Variants in TLK2 observed in about 807,000 individuals in gnomAD.
The protein encoded by TLK2 is serine/threonine-protein kinase tousled-like 2.
A neutral mutation model predicts 117.3 loss-of-function variants in TLK2; 6 were observed. The ratio of observed to expected loss-of-function variants is 0.05; its 90% CI spans 0.03 to 0.10. The LOEUF (loss-of-function observed/expected upper bound fraction) is 0.10. Among genes scored for constraint, TLK2 ranks in the 10% least tolerant of loss-of-function variants. The pLI, the probability that TLK2 is intolerant of heterozygous loss-of-function variation, is 1.00. For missense variants in TLK2, 299 were observed against 901.2 expected, an observed-to-expected ratio of 0.33 and a Z score of 8.56; for synonymous variants, 257 against 316.7, an observed-to-expected ratio of 0.81 and a Z score of 2.00.
chr17:62,471,573 C>T (rs1197844303), intron 1 of TLK2, among the ~76,000 whole-genome samples: 11 of 152,146 alleles, frequency 7.2e-5, no homozygotes, highest in African/African-American at 2.7e-4. Flanking sequence ...ATCTGGCCAA[C>T]CTCAGAACAT....
chr17:62,547,256 C>G (rs1241949937), intron 7 of TLK2, among the ~76,000 whole-genome samples: 1 of 149,688 alleles, frequency 6.7e-6, no homozygotes, highest in Non-Finnish European at 1.5e-5. Flanking sequence ...TGGATTTTTC[C>G]TTTTGTGCTG....
intron 6 of TLK2, among the ~76,000 whole-genome samples, chr17:62,533,787 A>ATTTTTAATG (rs1432931445): frequency 2.6e-5 from 4 of 152,102 alleles, no homozygotes. Context: ...CATGGTTTAT[A>ATTTTTAATG]TTTTTAATGT....
intron 2 of TLK2, among the ~76,000 whole-genome samples, chr17:62,492,393 A>C (rs772120400): frequency 6.6e-6 from 1 of 152,144 alleles, no homozygotes; most frequent in African/African-American, 2.4e-5. Flanking sequence ...TAGTCTCAGA[A>C]TAAGGATGGT....
intron 17 of TLK2, among the ~76,000 whole-genome samples, chr17:62,599,653 T>C (rs185391901): frequency 6.6e-6 from 1 of 152,292 alleles, no homozygotes. Context: ...CTTCCTGCTG[T>C]AGATGATCTC....
intron 16 of TLK2, among the ~76,000 whole-genome samples, chr17:62,593,991 C>T (rs905853169): frequency 3.5e-4 from 53 of 151,600 alleles, no homozygotes; most frequent in Non-Finnish European, 2.1e-4. Context: ...CGCAGTTTCT[C>T]CATGGTGGCC....
intron 16 of TLK2, among the ~76,000 whole-genome samples, chr17:62,594,581 G>C (rs1175510544): frequency 6.6e-6 from 1 of 152,108 alleles, no homozygotes; most frequent in Non-Finnish European, 1.5e-5. Flanking sequence ...ACATTACCCA[G>C]CTTCTAAATA....
At chr17:62,584,271 C>T (rs1051305113) in intron 15 of TLK2, among the ~76,000 whole-genome samples, 2 of 151,778 alleles carry the variant, frequency 1.3e-5, no homozygotes, top group African/African-American at 4.8e-5. Context: ...TGTCCGCCAC[C>T]ACACCCGGCT....
At chr17:62,563,646 T>C (rs2079483263) in intron 10 of TLK2, among the ~76,000 whole-genome samples, 1 of 152,196 alleles carries the variant, frequency 6.6e-6, no homozygotes. Flanking sequence ...TCTTTTCCTT[T>C]GAATTCTTTA....
chr17:62,535,899 G>A (rs1414837856), intron 6 of TLK2, among the ~76,000 whole-genome samples: 4 of 151,980 alleles, frequency 2.6e-5, no homozygotes, highest in African/African-American at 7.3e-5. Context: ...TTGATTTGTA[G>A]AATTCTACAA....
rs2083898162 is a variant in TLK2, at chr17:62,612,787, C to T, written c.*222C>T. 2 of 376,700 alleles carry T rather than the reference C, an allele frequency of 5.3e-6. No homozygotes were observed. Among genetic ancestry groups the T allele is most frequent in the Non-Finnish European group, 9.4e-6 (2 of 212,106 alleles). 23.3% of individuals were successfully genotyped at this position (376,700 alleles called of 1,614,324 possible). ...CAGGCCTTGTAGGAAAAGGCCCCGC[C>T]CGAGGTTCCAGCGTCAACGGCCACT... is the stretch of plus-strand genomic sequence containing the variant. On this transcript the variant is annotated 3_prime_UTR_variant, in exon 22 of 22. Transcript: ENST00000346027.
chr17:62,552,418 C>G (rs765833346), intron 8 of TLK2, 21 bp downstream of exon 8: 13 of 1,614,046 alleles, frequency 8.1e-6, no homozygotes, highest in Non-Finnish European at 1.1e-5. Flanking sequence ...GATCGATAAT[C>G]AATTGAGGGG....
chr17:62,598,302 C>CA (rs1180583951), intron 17 of TLK2, among the ~76,000 whole-genome samples: 1 of 152,164 alleles, frequency 6.6e-6, no homozygotes, highest in Non-Finnish European at 1.5e-5. Flanking sequence ...ATATCAGGCT[C>CA]AAATTATCTG....
chr17:62,487,620 C>CTTTTTTTTT, intron 2 of TLK2, among the ~76,000 whole-genome samples: 1 of 104,310 alleles, frequency 9.6e-6, no homozygotes, highest in Non-Finnish European at 1.7e-5. Context: ...TGGCAAGTAT[C>CTTTTTTTTT]TTTTTTTTTT....
intron 2 of TLK2, among the ~76,000 whole-genome samples, chr17:62,519,052 T>C (rs2075842230): frequency 6.6e-6 from 1 of 152,008 alleles, no homozygotes; most frequent in Admixed American, 6.6e-5. Context: ...CCTCGCTAAT[T>C]TTTTGTATTT....
At chr17:62,551,505 A>G (rs1453355850) in intron 7 of TLK2, 3 of 152,106 alleles carry the variant, frequency 2.0e-5, no homozygotes, top group Non-Finnish European at 4.4e-5. Context: ...GGAGATCAAG[A>G]CCATCCTGGC....
chr17:62,590,998 T>A (rs2082035436), intron 16 of TLK2, among the ~76,000 whole-genome samples: 1 of 152,192 alleles, frequency 6.6e-6, no homozygotes, highest in African/African-American at 2.4e-5. Flanking sequence ...ATACCTGTGA[T>A]CCCAGCACTT....
At chr17:62,510,756 C>T (rs1173054123) in intron 2 of TLK2, among the ~76,000 whole-genome samples, 4 of 152,116 alleles carry the variant, frequency 2.6e-5, no homozygotes, top group African/African-American at 4.8e-5. Flanking sequence ...AATGGATTTA[C>T]GCTTCTATCT....
At chr17:62,552,588 GC>G (rs1477529059) in intron 8 of TLK2, among the ~76,000 whole-genome samples, 191 bp downstream of exon 8, 1 of 151,580 alleles carries the variant, frequency 6.6e-6, no homozygotes, top group African/African-American at 2.4e-5. Context: ...ACTTTTTGAG[GC>G]TTTTCTTTAC....
At chr17:62,585,663 G>C (rs1323200155) in intron 15 of TLK2, 2 of 152,564 alleles carry the variant, frequency 1.3e-5, no homozygotes, top group African/African-American at 4.8e-5. Context: ...TTACAGGGTG[G>C]TTTTGTAAAC....
Sources: gnomAD v4.1 joint callset for allele counts (sites outside exome capture counted in the v4.1 genomes callset) on GRCh38, gnomAD v4.1.1 for gene constraint, MANE v1.5 for transcripts, NCBI Gene and HGNC (gene_info 2026-07-23, HGNC 2026-07-21) for gene names.